Variants in DNAAF4 observed in about 807,000 individuals in gnomAD.
DNAAF4 encodes dynein axonemal assembly factor 4, also known as dynein assembly factor 4, axonemal.
A neutral mutation model predicts 51.8 loss-of-function variants in DNAAF4; 43 were observed. That is an observed-to-expected ratio of 0.83 (90% CI 0.65 to 1.07). The LOEUF (loss-of-function observed/expected upper bound fraction) is 1.07, where lower values mean the gene tolerates loss of function less well. Among genes scored for constraint, DNAAF4 ranks in the 50% least tolerant of loss-of-function variants. DNAAF4 has a pLI of 0.00. For missense variants in DNAAF4, 581 were observed against 493.0 expected, an observed-to-expected ratio of 1.18 and a Z score of -1.69; for synonymous variants, 194 against 165.6, an observed-to-expected ratio of 1.17 and a Z score of -1.32.
At chr15:55,474,355 G>C (rs901496463) in intron 4 of DNAAF4, among the ~76,000 whole-genome samples, 5 of 151,988 alleles carry the variant, frequency 3.3e-5, no homozygotes, top group African/African-American at 1.2e-4. Flanking sequence ...CCAACATGTT[G>C]AAACCTTGTC....
In DNAAF4 at chr15:55,494,816, C is replaced by T. The variant is rs138024067; in HGVS notation, c.271+2896G>A. 6.0e-3 allele frequency among the ~76,000 whole-genome samples: 905 copies of T among 152,078 alleles called. 32 individuals are homozygous for T. The highest frequency in any genetic ancestry group is 0.047 in the East Asian group (245 of 5,178). ...CACCTGTTTCCCCTCAGCCCACAAG[C>T]CTTGAATAATTTTCACATTTTTAAA... On this transcript the variant is annotated intron_variant, in intron 3 of 9. Coordinates refer to ENST00000321149, the MANE Select transcript of DNAAF4 (RefSeq NM_130810.4).
At chr15:55,499,099 T>G (rs2058678019) in intron 1 of DNAAF4, among the ~76,000 whole-genome samples, 1 of 151,956 alleles carries the variant, frequency 6.6e-6, no homozygotes, top group South Asian at 2.1e-4. Context: ...CTATTAAGAG[T>G]TAGCGCTAGT....
intron 8 of DNAAF4, among the ~76,000 whole-genome samples, chr15:55,433,769 A>T (rs1377276981): frequency 6.1e-4 from 71 of 115,708 alleles, no homozygotes; most frequent in Non-Finnish European, 6.2e-4. Flanking sequence ...AATATATATA[A>T]TTGTTTTTAT....
chr15:55,425,124 C>G (rs1324041743), intron 7 of DNAAF4, among the ~76,000 whole-genome samples: 2 of 152,192 alleles, frequency 1.3e-5, no homozygotes, highest in African/African-American at 4.8e-5. Context: ...CTCGGCCTCC[C>G]AAAGTGCTGG....
chr15:55,495,806 AAAG>A (rs2058632939), intron 3 of DNAAF4, among the ~76,000 whole-genome samples: 1 of 152,238 alleles, frequency 6.6e-6, no homozygotes, highest in African/African-American at 2.4e-5. Flanking sequence ...CATGACAACT[AAAG>A]AAGGAAGGAG....
At chr15:55,468,300 A>G (rs968856434) in intron 4 of DNAAF4, among the ~76,000 whole-genome samples, 14 of 152,074 alleles carry the variant, frequency 9.2e-5, no homozygotes, top group African/African-American at 3.4e-4. Context: ...ATGACATAAT[A>G]CTCTCTTCTA....
intron 5 of DNAAF4, among the ~76,000 whole-genome samples, chr15:55,457,637 C>G (rs770421217): frequency 6.6e-6 from 1 of 152,194 alleles, no homozygotes; most frequent in Non-Finnish European, 1.5e-5. Context: ...AACAGAACAA[C>G]CCTGCTCCAA....
chr15:55,484,393 G>A (rs1242117523), intron 4 of DNAAF4, among the ~76,000 whole-genome samples: 1 of 151,728 alleles, frequency 6.6e-6, no homozygotes, highest in Admixed American at 6.6e-5. Context: ...GCTGAGGCAG[G>A]AGAATGGCTT....
chr15:55,483,455 A>G (rs2058439474), intron 4 of DNAAF4, among the ~76,000 whole-genome samples: 1 of 152,144 alleles, frequency 6.6e-6, no homozygotes, highest in South Asian at 2.1e-4. Context: ...ATGGCTGAAT[A>G]ACTTGTATAC....
At chr15:55,500,421 A>G (rs1397123438) in intron 1 of DNAAF4, among the ~76,000 whole-genome samples, 1 of 152,094 alleles carries the variant, frequency 6.6e-6, no homozygotes, top group African/African-American at 2.4e-5. Flanking sequence ...CTTTTACCAT[A>G]TTGTTTCCAA....
At chr15:55,480,814 A>G (rs1215325642) in intron 4 of DNAAF4, among the ~76,000 whole-genome samples, 1 of 152,188 alleles carries the variant, frequency 6.6e-6, no homozygotes, top group Non-Finnish European at 1.5e-5. Flanking sequence ...TTTGGCAGTC[A>G]CTTTACAAAA....
chr15:55,504,652 A>AT (rs1208246641), intron 1 of DNAAF4, among the ~76,000 whole-genome samples: 8 of 152,318 alleles, frequency 5.3e-5, no homozygotes, highest in African/African-American at 1.9e-4. Flanking sequence ...CACAAACCTG[A>AT]TAAAAACAAG....
chr15:55,434,859 G>T, intron 8 of DNAAF4, 46 bp downstream of exon 8: 1 of 1,375,626 alleles, frequency 7.3e-7, no homozygotes, highest in Non-Finnish European at 9.6e-7. Flanking sequence ...CCAATTAATA[G>T]AAGGATATAT....
chr15:55,439,694 G>A, intron 6 of DNAAF4, 113 bp from the exon 7 acceptor site: 2 of 851,596 alleles, frequency 2.3e-6, no homozygotes, highest in Non-Finnish European at 3.6e-6. Context: ...GCTATGCACT[G>A]AGTGTTTGTG....
chr15:55,450,272 G>C lies in DNAAF4; in HGVS notation c.733C>G (p.Arg245Gly). The C allele has an allele frequency of 6.2e-7, 1 of 1,614,018 alleles. No individual in the cohort carries two copies. The highest frequency in any genetic ancestry group is 8.5e-7 in the Non-Finnish European group (1 of 1,180,002). ...VGSIKINFTP[R>G]VFPTALRESQ... ...TCACGAAGAGCTGTTGGGAATACTC[G>C]AGGGGTAAAGTTGATTTTAATACTG... is the stretch of plus-strand genomic sequence containing the variant. The change falls in exon 6 of 10, where the codon CGA becomes GGA. Residue 245 changes from arginine to glycine, a missense_variant. By Grantham distance (125) the Arg-to-Gly change is moderately radical. Coordinates refer to ENST00000321149, the MANE Select transcript of DNAAF4 (RefSeq NM_130810.4).
rs564399713 is a variant in DNAAF4, at chr15:55,446,301, G to C, written c.783+3921C>G. Among the ~76,000 whole-genome samples the C allele has an allele frequency of 1.2e-4, 8 of 66,916 alleles. 1 individual carries two copies. Among genetic ancestry groups the C allele is most frequent in the Non-Finnish European group, 2.3e-4 (8 of 34,680 alleles). 43.9% of individuals were successfully genotyped at this position (66,916 alleles called of 152,430 possible). On this transcript the variant is annotated intron_variant, in intron 6 of 9. Transcript: ENST00000321149. The stretch of plus-strand genomic sequence containing the variant: ...GGCGCTCCTCACATCCCAGACGGGG[G>C]GGGGGGGCAGCTGGGCAGAGGCACT...
At chr15:55,469,279 G>T (rs192074144) in intron 4 of DNAAF4, among the ~76,000 whole-genome samples, 1 of 150,914 alleles carries the variant, frequency 6.6e-6, no homozygotes, top group Non-Finnish European at 1.5e-5. Context: ...GCAGTGAGCC[G>T]AGATAAAGCC....
chr15:55,469,916 G>A (rs2058228547), intron 4 of DNAAF4, among the ~76,000 whole-genome samples: 1 of 152,130 alleles, frequency 6.6e-6, no homozygotes, highest in Non-Finnish European at 1.5e-5. Flanking sequence ...CCACACAGAT[G>A]CCAATCATAA....
At chr15:55,481,448 T>C (rs1331550666) in intron 4 of DNAAF4, among the ~76,000 whole-genome samples, 1 of 152,186 alleles carries the variant, frequency 6.6e-6, no homozygotes, top group East Asian at 1.9e-4. Context: ...TTTGGACCAT[T>C]TTTGTTTAAT....
Sources: gnomAD v4.1 joint callset for allele counts (sites outside exome capture counted in the v4.1 genomes callset) on GRCh38, gnomAD v4.1.1 for gene constraint, MANE v1.5 for transcripts, NCBI Gene and HGNC (gene_info 2026-07-23, HGNC 2026-07-21) for gene names.